The following TENM2 variants were observed in gnomAD, a reference collection of about 807,000 sequenced individuals.
TENM2 encodes the protein teneurin transmembrane protein 2.
Under a neutral mutation model 245.2 loss-of-function variants are expected in TENM2, and 52 were observed. The observed-to-expected ratio is 0.21, with a 90% CI of 0.17 to 0.27. TENM2 has a LOEUF of 0.27. Ranked by LOEUF, TENM2 falls within the 10% of genes least tolerant of loss-of-function variation. The probability of loss-of-function intolerance (pLI) is 1.00; values close to 1 mark genes in which losing one functional copy is unlikely to be tolerated. For missense variants in TENM2, 3,046 were observed against 3,666.8 expected, an observed-to-expected ratio of 0.83 and a Z score of 4.37; for synonymous variants, 1,363 against 1,438.9, an observed-to-expected ratio of 0.95 and a Z score of 1.19.
At chr5:167,332,552 T>C (rs752714352) in intron 1 of TENM2, among the ~76,000 whole-genome samples, 7 of 152,188 alleles carry the variant, frequency 4.6e-5, no homozygotes, top group Non-Finnish European at 8.8e-5. Context: ...AAATTCATGT[T>C]TGTTTGGCAG....
At chr5:168,002,431 T>A (rs1784480017) in intron 5 of TENM2, among the ~76,000 whole-genome samples, 1 of 152,248 alleles carries the variant, frequency 6.6e-6, no homozygotes, top group Admixed American at 6.5e-5. Context: ...ATATTAGACT[T>A]GCTTATATTC....
chr5:167,341,699 A>G (rs1293985787), intron 1 of TENM2, among the ~76,000 whole-genome samples: 3 of 151,544 alleles, frequency 2.0e-5, no homozygotes, highest in Non-Finnish European at 2.9e-5. Context: ...CATTTTATAT[A>G]TATTTTATAT....
chr5:166,997,078 C>G, the TENM2 span, among the ~76,000 whole-genome samples: 1 of 152,142 alleles, frequency 6.6e-6, no homozygotes, highest in African/African-American at 2.4e-5. Flanking sequence ...TATAGACACT[C>G]AAGAAACATG....
chr5:168,026,661 C>T (rs1427281555), intron 5 of TENM2, among the ~76,000 whole-genome samples: 1 of 152,178 alleles, frequency 6.6e-6, no homozygotes, highest in Non-Finnish European at 1.5e-5. Flanking sequence ...AGCTATGTTA[C>T]TTAACCTCAC....
chr5:167,331,477 T>C (rs1398787393), intron 1 of TENM2, among the ~76,000 whole-genome samples: 1 of 152,160 alleles, frequency 6.6e-6, no homozygotes, highest in Non-Finnish European at 1.5e-5. Flanking sequence ...TGAATGTACC[T>C]ACAGAAGTGA....
intron 27 of TENM2, among the ~76,000 whole-genome samples, chr5:168,257,643 G>A (rs1189339223): frequency 6.2e-5 from 9 of 144,410 alleles, no homozygotes; most frequent in African/African-American, 2.3e-4. Context: ...TTGTGACGGA[G>A]TCTCACTCTG....
intron 25 of TENM2, among the ~76,000 whole-genome samples, chr5:168,242,246 C>T (rs1035187975): frequency 1.3e-5 from 2 of 152,176 alleles, no homozygotes; most frequent in African/African-American, 2.4e-5. Flanking sequence ...GTTTCATTAC[C>T]TGGGCACAAA....
intron 1 of TENM2, among the ~76,000 whole-genome samples, chr5:167,335,507 C>T (rs911104600): frequency 3.9e-5 from 6 of 152,180 alleles, no homozygotes; most frequent in Admixed American, 3.3e-4. Context: ...CACACCCCTG[C>T]TTTCACCTCT....
At chr5:168,148,424 A>G (rs922919774) in intron 12 of TENM2, among the ~76,000 whole-genome samples, 1 of 152,264 alleles carries the variant, frequency 6.6e-6, no homozygotes, top group Admixed American at 6.5e-5. Context: ...ACTGTGCCAC[A>G]CATGAATGTA....
chr5:167,240,909 G>A, the TENM2 span, among the ~76,000 whole-genome samples: 1 of 152,174 alleles, frequency 6.6e-6, no homozygotes, highest in Non-Finnish European at 1.5e-5. Context: ...TGGGAAACAG[G>A]TAGGGTGGAT....
intron 2 of TENM2, among the ~76,000 whole-genome samples, chr5:167,433,999 T>G (rs967297645): frequency 1.3e-5 from 2 of 152,274 alleles, no homozygotes; most frequent in Admixed American, 1.3e-4. Context: ...ATCCTTTAGC[T>G]TCTACAAAAA....
At chr5:167,799,619 G>C (rs1441222258) in intron 2 of TENM2, among the ~76,000 whole-genome samples, 1 of 152,182 alleles carries the variant, frequency 6.6e-6, no homozygotes, top group Non-Finnish European at 1.5e-5. Context: ...TTTGTGTTAA[G>C]GTTCACTCTG....
intron 5 of TENM2, among the ~76,000 whole-genome samples, chr5:168,003,166 G>C (rs932209039): frequency 2.0e-5 from 3 of 152,000 alleles, no homozygotes; most frequent in Admixed American, 2.0e-4. Context: ...CATCCTTTTT[G>C]TTTCCTGGAT....
At chr5:167,098,572 AAAG>A in the TENM2 span, among the ~76,000 whole-genome samples, 4 of 152,132 alleles carry the variant, frequency 2.6e-5, no homozygotes, top group Non-Finnish European at 2.9e-5. Context: ...TTTTCTTATT[AAAG>A]AAGAGATTAG....
chr5:167,154,948 G>T, the TENM2 span, among the ~76,000 whole-genome samples: 1 of 152,068 alleles, frequency 6.6e-6, no homozygotes, highest in African/African-American at 2.4e-5. Flanking sequence ...CATAAAAGTC[G>T]TACATATTGC....
chr5:167,776,623 AAAAC>A (rs1763814804), intron 2 of TENM2, among the ~76,000 whole-genome samples: 1 of 52,792 alleles, frequency 1.9e-5, no homozygotes, highest in African/African-American at 8.8e-5. Context: ...AAAAAAAAAA[AAAAC>A]CATATATATG....
At chr5:168,126,630 A>G in intron 11 of TENM2, 124 bp from the exon 14 acceptor site, 1 of 700,950 alleles carries the variant, frequency 1.4e-6, no homozygotes, top group East Asian at 2.8e-5. Context: ...ACAAGCCTCC[A>G]AAGATGACAG....
chr5:167,924,465 A>C (rs185985330), intron 3 of TENM2, among the ~76,000 whole-genome samples: 2 of 152,304 alleles, frequency 1.3e-5, no homozygotes, highest in East Asian at 1.9e-4. Flanking sequence ...GCCAATTTTT[A>C]TCTCTCCAGG....
At chr5:168,193,513 G>A (rs1234356130) in intron 14 of TENM2, among the ~76,000 whole-genome samples, 1 of 152,192 alleles carries the variant, frequency 6.6e-6, no homozygotes, top group Non-Finnish European at 1.5e-5. Flanking sequence ...TGACTGCCTG[G>A]AAACGATAGG....
Sources: allele counts gnomAD v4.1 joint callset (sites outside exome capture counted in the v4.1 genomes callset), GRCh38; gene constraint gnomAD v4.1.1; transcripts MANE v1.5; gene names NCBI Gene and HGNC (gene_info 2026-07-23, HGNC 2026-07-21).